The following MAML2 variants were observed in gnomAD, a reference collection of about 807,000 sequenced individuals.
MAML2 encodes the protein mastermind-like protein 2.
In MAML2, 22 loss-of-function variants were observed where a neutral mutation model predicts 96.1. The observed-to-expected ratio is 0.23, with a 90% CI of 0.16 to 0.33. MAML2 has a LOEUF of 0.33. Among genes scored for constraint, MAML2 ranks in the 10% least tolerant of loss-of-function variants. MAML2 has a pLI of 1.00. For missense variants in MAML2, 1,367 were observed against 1,392.4 expected, an observed-to-expected ratio of 0.98 and a Z score of 0.29; for synonymous variants, 561 against 521.3, an observed-to-expected ratio of 1.08 and a Z score of -1.04.
chr11:96,096,911 A>G (rs1241987636), intron 1 of MAML2, among the ~76,000 whole-genome samples: 1 of 152,196 alleles, frequency 6.6e-6, no homozygotes. Flanking sequence ...ATTAGGATAA[A>G]AGACACCCAT....
rs557962588 is a variant in MAML2, at chr11:96,103,121, G to T, written c.514-9604C>A. 2.6e-5 allele frequency among the ~76,000 whole-genome samples: 4 copies of T among 152,216 alleles called. No individual in the cohort carries two copies. In the East Asian group the frequency reaches 7.7e-4, roughly 29 times the overall value. ...TCATATTTTTTCTCCCTGCTTTAAT[G>T]ATTTTAGCACTTTCTGTCTTATATT... On this transcript the variant is annotated intron_variant, in intron 1 of 4. Coordinates refer to ENST00000524717, the MANE Select transcript of MAML2 (RefSeq NM_032427.4).
chr11:96,127,668 T>A (rs1399434867), intron 1 of MAML2, among the ~76,000 whole-genome samples: 13 of 152,154 alleles, frequency 8.5e-5, no homozygotes, highest in Admixed American at 8.5e-4. Flanking sequence ...TGGAGAGAAG[T>A]TTAGAGTAAA....
Position 95,977,955 on chromosome 11 carries a change from A to C in MAML2, c.*993T>G, listed in dbSNP as rs944249430. On this transcript the variant is annotated 3_prime_UTR_variant, in exon 5 of 5. Transcript: ENST00000524717. ...CTCCAACCAAAACATGATATTTTCTAATCTCGGTTTTCTTCTCCAAACTTC... is the reference window on the plus strand; with the variant it reads ...CTCCAACCAAAACATGATATTTTCTCATCTCGGTTTTCTTCTCCAAACTTC... 8.5e-5 allele frequency: 19 copies of C among 222,460 alleles called. No individual in the cohort carries two copies. Among genetic ancestry groups the C allele is most frequent in the African/African-American group, 4.0e-4 (18 of 44,740 alleles). 13.8% of individuals were successfully genotyped at this position (222,460 alleles called of 1,614,324 possible).
intron 1 of MAML2, among the ~76,000 whole-genome samples, chr11:96,137,956 C>T (rs908791618): frequency 7.2e-5 from 11 of 152,084 alleles, no homozygotes; most frequent in Non-Finnish European, 1.5e-5. Flanking sequence ...CTGTATCCAT[C>T]AAGAACAATG....
intron 2 of MAML2, among the ~76,000 whole-genome samples, chr11:96,059,132 G>A (rs1859115549): frequency 6.6e-6 from 1 of 152,126 alleles, no homozygotes; most frequent in Non-Finnish European, 1.5e-5. Context: ...GGCACAGAGA[G>A]TTTAGGCAAT....
At chr11:96,034,221 G>T (rs1322274027) in intron 2 of MAML2, among the ~76,000 whole-genome samples, 1 of 152,124 alleles carries the variant, frequency 6.6e-6, no homozygotes, top group African/African-American at 2.4e-5. Context: ...TGGCCTGAGG[G>T]GAATGCGTCT....
chr11:96,267,513 A>C (rs1001495412), intron 1 of MAML2, among the ~76,000 whole-genome samples: 2 of 152,226 alleles, frequency 1.3e-5, no homozygotes, highest in Non-Finnish European at 2.9e-5. Flanking sequence ...CAGAAAGTGA[A>C]ACTTAATTAA....
intron 1 of MAML2, among the ~76,000 whole-genome samples, chr11:96,315,195 C>T (rs776728623): frequency 6.8e-6 from 1 of 147,192 alleles, no homozygotes; most frequent in South Asian, 2.2e-4. Context: ...ATTCATGGTC[C>T]TAATGTAGAT....
chr11:96,204,054 C>T (rs555666881), intron 1 of MAML2, among the ~76,000 whole-genome samples: 26 of 152,162 alleles, frequency 1.7e-4, no homozygotes, highest in Middle Eastern at 3.4e-3. Flanking sequence ...GAGATGCTGT[C>T]AGCATCCCTA....
intron 3 of MAML2, among the ~76,000 whole-genome samples, chr11:95,985,926 G>T (rs1327612928): frequency 6.6e-6 from 1 of 152,058 alleles, no homozygotes; most frequent in Non-Finnish European, 1.5e-5. Flanking sequence ...ATTTCAATGA[G>T]AACTAAATTT....
At chr11:96,118,111 G>A (rs1296552423) in intron 1 of MAML2, among the ~76,000 whole-genome samples, 1 of 152,240 alleles carries the variant, frequency 6.6e-6, no homozygotes, top group Non-Finnish European at 1.5e-5. Context: ...TCATCTGGTA[G>A]AGGAAGCAAA....
chr11:96,205,515 T>A lies in MAML2; in HGVS notation c.514-111998A>T, dbSNP rs1193984528. Among the ~76,000 whole-genome samples the A allele has an allele frequency of 3.9e-5, 6 of 152,236 alleles. No homozygotes were observed. In the East Asian group the frequency reaches 1.2e-3, roughly 29 times the overall value. ...AAGTTTAATTCAATTTTACTGTTTT[T>A]TAGGCAGACCAGTACTGTGTGGTAA... On this transcript the variant is annotated intron_variant, in intron 1 of 4. Coordinates refer to ENST00000524717, the MANE Select transcript of MAML2 (RefSeq NM_032427.4).
chr11:95,991,402 A>G, intron 3 of MAML2, 118 bp downstream of exon 3: 1 of 933,460 alleles, frequency 1.1e-6, no homozygotes, highest in Non-Finnish European at 1.7e-6. Context: ...CCTCTCTTAC[A>G]GTCAGCACAC....
chr11:96,015,677 T>C (rs1013126089), intron 2 of MAML2, among the ~76,000 whole-genome samples: 7 of 150,402 alleles, frequency 4.7e-5, no homozygotes, highest in African/African-American at 1.7e-4. Flanking sequence ...AAGACCAAAG[T>C]GACCTGAAAA....
At chr11:96,202,295 G>A (rs1486881486) in intron 1 of MAML2, among the ~76,000 whole-genome samples, 2 of 142,324 alleles carry the variant, frequency 1.4e-5, no homozygotes, top group Admixed American at 7.1e-5. Context: ...AGATTGCAGC[G>A]AGCCGAGATC....
At chr11:96,295,096 C>T (rs377619525) in intron 1 of MAML2, among the ~76,000 whole-genome samples, 82 of 152,292 alleles carry the variant, frequency 5.4e-4, no homozygotes, top group African/African-American at 1.9e-3. Context: ...AAACTTTAGT[C>T]AGACAACATC....
intron 1 of MAML2, among the ~76,000 whole-genome samples, chr11:96,333,590 A>C (rs1267275966): frequency 2.0e-5 from 3 of 152,192 alleles, no homozygotes; most frequent in Admixed American, 6.5e-5. Context: ...GGAGGTACTG[A>C]GTAAAGAGAT....
At chr11:96,183,956 T>C (rs900684041) in intron 1 of MAML2, among the ~76,000 whole-genome samples, 4 of 152,222 alleles carry the variant, frequency 2.6e-5, no homozygotes, top group Non-Finnish European at 5.9e-5. Context: ...GAAATAAATC[T>C]GCAGGTTTGT....
At chr11:96,241,228 T>G (rs750201853) in intron 1 of MAML2, among the ~76,000 whole-genome samples, 3 of 152,210 alleles carry the variant, frequency 2.0e-5, no homozygotes, top group African/African-American at 7.2e-5. Flanking sequence ...GCATCAAAGA[T>G]TTAGTGCTTT....
Sources: allele counts gnomAD v4.1 joint callset (sites outside exome capture counted in the v4.1 genomes callset), GRCh38; gene constraint gnomAD v4.1.1; transcripts MANE v1.5; gene names NCBI Gene and HGNC (gene_info 2026-07-23, HGNC 2026-07-21).